The following SEMA4D variants were observed in gnomAD, a reference collection of about 807,000 sequenced individuals.
SEMA4D encodes semaphorin 4D.
In SEMA4D, 22 loss-of-function variants were observed where a neutral mutation model predicts 74.8. That is an observed-to-expected ratio of 0.29 (90% CI 0.21 to 0.42). The LOEUF is 0.42. SEMA4D is among the 10% of genes least tolerant of loss of function. SEMA4D has a pLI of 1.00. For missense variants in SEMA4D, 937 were observed against 1,118.4 expected, an observed-to-expected ratio of 0.84 and a Z score of 2.31; for synonymous variants, 445 against 463.7, an observed-to-expected ratio of 0.96 and a Z score of 0.52.
chr9:89,444,215 C>G (rs577359789), intron 2 of SEMA4D, among the ~76,000 whole-genome samples: 336 of 152,306 alleles, frequency 2.2e-3, no homozygotes, highest in Non-Finnish European at 3.6e-3. Flanking sequence ...CTTGGCCTCC[C>G]TCCCCACCTC....
intron 1 of SEMA4D, among the ~76,000 whole-genome samples, chr9:89,456,344 G>A (rs554595503): frequency 6.6e-6 from 1 of 152,348 alleles, no homozygotes; most frequent in South Asian, 2.1e-4. Flanking sequence ...GCCTAACCCA[G>A]AAACCCTGTG....
At chr9:89,366,716 G>A (rs1324308185) in intron 16 of SEMA4D, among the ~76,000 whole-genome samples, 1 of 152,214 alleles carries the variant, frequency 6.6e-6, no homozygotes, top group African/African-American at 2.4e-5. Flanking sequence ...TGGGCATCCA[G>A]GTAAAATCTC....
At chr9:89,394,640 G>A (rs1157649827) in intron 6 of SEMA4D, among the ~76,000 whole-genome samples, 1 of 152,240 alleles carries the variant, frequency 6.6e-6, no homozygotes, top group Non-Finnish European at 1.5e-5. Context: ...GCAGGAGGCT[G>A]GCTGGAAACA....
rs1564832883 is a variant in SEMA4D at position 89,450,659 on chromosome 9, G to GA, written c.-244+5228_-244+5229insT. 1.3e-4 allele frequency: 55 copies of GA among 421,234 alleles called. 2 individuals carry two copies. The highest frequency in any genetic ancestry group is 2.7e-4 in the Admixed American group (6 of 22,204). The allele number at this position is 421,234 out of a possible 1,614,324, so 26.1% of individuals were successfully genotyped here. ...AGAGTTCTGCAAGTCGAAAAACCCA[G>GA]GAAAAAAAAAAAAAAAAAAAAAAAA... is the stretch of plus-strand genomic sequence containing the variant. On this transcript the variant is annotated intron_variant, in intron 2 of 15. Transcript: ENST00000422704.
chr9:89,400,322 TA>T (rs1397251529), intron 4 of SEMA4D, among the ~76,000 whole-genome samples: 1 of 152,268 alleles, frequency 6.6e-6, no homozygotes, highest in East Asian at 1.9e-4. Context: ...GGAAGGTTTC[TA>T]TATCTATCTC....
At position 89,393,628 on chromosome 9, in the gene SEMA4D, T is replaced by C. The variant is rs1242001539; in HGVS notation, c.442A>G (p.Lys148Glu). ...CATCTTCCTTTGCCATCTTCATTTT[T>C]CCCCAGAAACTTAAAGGATGTTAAG... Reference protein sequence around the residue: ...LNLTSFKFLGKNEDGKGRCPF... With the variant: ...LNLTSFKFLGENEDGKGRCPF... The change falls in exon 7 of 16, where the codon AAA becomes GAA. Residue 148 changes from lysine (K) to glutamate (E), a missense_variant. Physicochemically the swap from Lys to Glu is moderately conservative, Grantham distance 56. Coordinates refer to ENST00000422704, the MANE Select transcript of SEMA4D (RefSeq NM_001371194.2). The C allele has an allele frequency of 1.9e-6, 3 of 1,614,112 alleles. No homozygotes were observed. The highest frequency in any genetic ancestry group is 2.5e-6 in the Non-Finnish European group (3 of 1,179,932).
chr9:89,442,952 T>C (rs1243362093), intron 2 of SEMA4D, among the ~76,000 whole-genome samples: 1 of 152,212 alleles, frequency 6.6e-6, no homozygotes, highest in African/African-American at 2.4e-5. Flanking sequence ...GTGAGACTTT[T>C]AAGGGCCTTC....
intron 1 of SEMA4D, among the ~76,000 whole-genome samples, chr9:89,481,873 G>A (rs1262058293): frequency 2.0e-5 from 3 of 152,350 alleles, no homozygotes; most frequent in African/African-American, 4.8e-5. Flanking sequence ...TTCAAGGGCC[G>A]CACACTGAGG....
intron 2 of SEMA4D, among the ~76,000 whole-genome samples, chr9:89,427,579 C>T (rs565564253): frequency 1.3e-5 from 2 of 152,332 alleles, no homozygotes. Flanking sequence ...CGTTTCCCTG[C>T]ACTGCTAAAA....
chr9:89,362,528 C>G (rs45440499), intron 18 of SEMA4D: 129,267 of 1,599,120 alleles, frequency 0.081, 5,986 homozygotes, highest in Middle Eastern at 0.13. Context: ...GCAGAGCACT[C>G]AAGGCCTCAG....
At chr9:89,393,448 T>A (rs577859703) in intron 7 of SEMA4D, 114 bp downstream of exon 7, 1 of 834,874 alleles carries the variant, frequency 1.2e-6, no homozygotes, top group Non-Finnish European at 2.0e-6. Context: ...GGATAGCTCC[T>A]ATTTAAACAA....
chr9:89,414,439 C>A (rs1053986744), intron 2 of SEMA4D, among the ~76,000 whole-genome samples: 12 of 152,324 alleles, frequency 7.9e-5, no homozygotes, highest in Middle Eastern at 3.4e-3. Flanking sequence ...TCCCTCCCAG[C>A]TGGAAGCAGG....
At chr9:89,362,421 C>T in exon 19 of SEMA4D, 3 of 1,614,050 alleles carry the variant, frequency 1.9e-6, no homozygotes, top group Non-Finnish European at 2.5e-6. Flanking sequence ...GTCCTTGCTA[C>T]AGCTTTCCTG....
In SEMA4D at chr9:89,381,185, C is replaced by T; in HGVS notation, c.1608G>A (p.Glu536=). 6.2e-7 allele frequency: 1 copy of T among 1,613,748 alleles called. No homozygotes were observed. Among genetic ancestry groups the T allele is most frequent in the Non-Finnish European group, 8.5e-7 (1 of 1,179,680 alleles). Reference sequence around the variant, plus strand: ...ATCCCGCCCCATACCTGCTGGGGCTCTCGGTCTGGTGCAGAGCCACGCAGG... The same window carrying T: ...ATCCCGCCCCATACCTGCTGGGGCTTTCGGTCTGGTGCAGAGCCACGCAGG... ...TATCVALHQT[E]SPSRGLIQEM... Residue 536 remains glutamate (E), a synonymous_variant, in exon 14 of 16, where the codon GAG becomes GAA. Coordinates refer to ENST00000422704, the MANE Select transcript of SEMA4D (RefSeq NM_001371194.2). The surrounding 1 kb of genome is among the most constrained non-coding windows in gnomAD (Gnocchi z 4.6).
chr9:89,488,610 T>C (rs1438006139), intron 1 of SEMA4D, among the ~76,000 whole-genome samples: 1 of 152,132 alleles, frequency 6.6e-6, no homozygotes, highest in Non-Finnish European at 1.5e-5. Context: ...TGACCTCAGG[T>C]GTTCCACTCA....
Position 89,405,550 on chromosome 9 carries a change from A to C in SEMA4D, c.-94T>G. On this transcript the variant is annotated 5_prime_UTR_variant, in exon 3 of 16. Transcript: ENST00000422704. ...TATTGCAGATGCGGCTCAGCGCCCC[A>C]GGACCAGGGCCAGCAGCACAGCCTG... 1.9e-6 allele frequency: 3 copies of C among 1,544,474 alleles called. No homozygotes were observed. Among genetic ancestry groups the C allele is most frequent in the Non-Finnish European group, 2.6e-6 (3 of 1,149,992 alleles).
rs144262231 is a variant in SEMA4D at position 89,438,429 on chromosome 9, C to T, written c.-244+17459G>A. Among the ~76,000 whole-genome samples, 785 of 152,292 alleles carry T rather than the reference C, an allele frequency of 5.2e-3. 17 individuals carry two copies. The highest frequency in any genetic ancestry group is 0.022 in the East Asian group (116 of 5,178). ...AGAAGGTGAGCAGGACGACATTCACCGCGGGAGCCTGGTGACTGCAACTCC... is the reference window on the plus strand; with the variant it reads ...AGAAGGTGAGCAGGACGACATTCACTGCGGGAGCCTGGTGACTGCAACTCC... On this transcript the variant is annotated intron_variant, in intron 2 of 15. Transcript: ENST00000422704.
At chr9:89,422,853 A>G (rs1847267008) in intron 2 of SEMA4D, among the ~76,000 whole-genome samples, 1 of 152,184 alleles carries the variant, frequency 6.6e-6, no homozygotes, top group Non-Finnish European at 1.5e-5. Context: ...CTGTTCTTGA[A>G]AATCTCCATT....
At chr9:89,366,926 G>A (rs1588075352) in intron 16 of SEMA4D, among the ~76,000 whole-genome samples, 1 of 152,092 alleles carries the variant, frequency 6.6e-6, no homozygotes. Context: ...AAGAATCTGG[G>A]TGGCCTAAGC....
Sources: gnomAD v4.1 joint callset for allele counts (sites outside exome capture counted in the v4.1 genomes callset) on GRCh38, gnomAD v4.1.1 for gene constraint, Gnocchi (gnomAD v3.1) non-coding constraint, MANE v1.5 for transcripts, NCBI Gene and HGNC (gene_info 2026-07-23, HGNC 2026-07-21) for gene names.